MACROD2: variants seen among roughly 807,000 people sequenced by gnomAD.
MACROD2 encodes the protein mono-ADP ribosylhydrolase 2, also known as ADP-ribose glycohydrolase MACROD2.
MACROD2 carries 36 observed loss-of-function variants against 70.4 expected under a neutral mutation model. The observed-to-expected ratio is 0.51, with a 90% CI of 0.39 to 0.68. The LOEUF is 0.68. Among genes scored for constraint, MACROD2 ranks in the 30% least tolerant of loss-of-function variants. MACROD2 has a pLI of 0.00. For missense variants in MACROD2, 496 were observed against 538.4 expected, an observed-to-expected ratio of 0.92 and a Z score of 0.78; for synonymous variants, 172 against 178.8, an observed-to-expected ratio of 0.96 and a Z score of 0.30.
chr20:14,024,015 A>T (rs1414685796), intron 2 of MACROD2, among the ~76,000 whole-genome samples: 1 of 152,140 alleles, frequency 6.6e-6, no homozygotes. Context: ...CACGATACTG[A>T]TTCTTCCTAT....
At chr20:14,498,728 A>G (rs1288842212) in intron 4 of MACROD2, among the ~76,000 whole-genome samples, 1 of 152,196 alleles carries the variant, frequency 6.6e-6, no homozygotes, top group Admixed American at 6.5e-5. Flanking sequence ...GTGAAGAGCA[A>G]TGTGTTTAAA....
intron 8 of MACROD2, among the ~76,000 whole-genome samples, chr20:15,532,348 G>A (rs1409026656): frequency 6.6e-6 from 1 of 152,076 alleles, no homozygotes; most frequent in Admixed American, 6.5e-5. Flanking sequence ...AGCAGAATGT[G>A]ATATGTTAGA....
At chr20:14,122,538 T>C (rs973183047) in intron 3 of MACROD2, among the ~76,000 whole-genome samples, 9 of 152,184 alleles carry the variant, frequency 5.9e-5, no homozygotes, top group African/African-American at 2.2e-4. Context: ...AATTATTTCA[T>C]TGAGGGAGGT....
chr20:14,013,672 A>AG (rs2052945929), intron 2 of MACROD2, among the ~76,000 whole-genome samples: 1 of 128,252 alleles, frequency 7.8e-6, no homozygotes, highest in Non-Finnish European at 1.6e-5. Context: ...CCTTATATTA[A>AG]GCTTTTTTTT....
At chr20:15,173,729 C>T (rs2076439521) in intron 5 of MACROD2, among the ~76,000 whole-genome samples, 2 of 152,100 alleles carry the variant, frequency 1.3e-5, no homozygotes, top group African/African-American at 4.8e-5. Flanking sequence ...CAGATTCAGT[C>T]ATGCAGAACC....
At chr20:15,424,159 A>C (rs1418733610) in intron 6 of MACROD2, among the ~76,000 whole-genome samples, 1 of 152,204 alleles carries the variant, frequency 6.6e-6, no homozygotes, top group Non-Finnish European at 1.5e-5. Flanking sequence ...CACCACGTGA[A>C]TCTTGTGGGG....
rs2077814945 is a variant in MACROD2, at chr20:15,316,705, G to A, written c.540+86644G>A. Among the ~76,000 whole-genome samples, 5 of 152,158 alleles carry A rather than the reference G, an allele frequency of 3.3e-5. No homozygotes were observed. In the South Asian group the frequency reaches 1.0e-3, roughly 32 times the overall value. Reference sequence around the variant, plus strand: ...CCATACACCAACTAGACCTGACAGAGATTTTGAACACTCCATTCCACAACA... The same window carrying A: ...CCATACACCAACTAGACCTGACAGAAATTTTGAACACTCCATTCCACAACA... On this transcript the variant is annotated intron_variant, in intron 6 of 17. Coordinates refer to ENST00000684519, the MANE Select transcript of MACROD2 (RefSeq NM_001351661.2).
At chr20:14,681,874 G>A (rs2070936582) in intron 4 of MACROD2, among the ~76,000 whole-genome samples, 1 of 152,142 alleles carries the variant, frequency 6.6e-6, no homozygotes, top group Admixed American at 6.6e-5. Flanking sequence ...AGATAAATCT[G>A]GGGTTTTGAA....
At chr20:15,715,181 T>TGA (rs1409803347) in intron 8 of MACROD2, among the ~76,000 whole-genome samples, 10 of 152,144 alleles carry the variant, frequency 6.6e-5, no homozygotes, top group African/African-American at 1.9e-4. Context: ...TTTATAATGA[T>TGA]GAGAAAACCA....
At chr20:15,912,450 C>A (rs113579216) in intron 10 of MACROD2, among the ~76,000 whole-genome samples, 3,382 of 152,128 alleles carry the variant, frequency 0.022, 53 homozygotes, top group Non-Finnish European at 0.037. Flanking sequence ...AAAATAGATA[C>A]CTGAAGTAAT....
intron 6 of MACROD2, among the ~76,000 whole-genome samples, chr20:15,244,012 T>A (rs2077083898): frequency 6.6e-6 from 1 of 152,188 alleles, no homozygotes; most frequent in Admixed American, 6.5e-5. Flanking sequence ...ACTCACAATT[T>A]AATAAGTTAT....
intron 6 of MACROD2, among the ~76,000 whole-genome samples, chr20:15,394,944 G>C (rs1048199016): frequency 5.9e-5 from 9 of 152,200 alleles, no homozygotes; most frequent in Non-Finnish European, 1.3e-4. Context: ...GGCTCAAGTA[G>C]AGTAGACTTT....
intron 3 of MACROD2, among the ~76,000 whole-genome samples, chr20:14,178,418 GA>G (rs1464042869): frequency 1.3e-5 from 2 of 152,070 alleles, no homozygotes; most frequent in African/African-American, 4.8e-5. Context: ...ATTCTGTTAT[GA>G]AAAAATAGCA....
At chr20:15,396,733 A>G (rs573803597) in intron 6 of MACROD2, among the ~76,000 whole-genome samples, 1 of 152,302 alleles carries the variant, frequency 6.6e-6, no homozygotes, top group South Asian at 2.1e-4. Context: ...GGGAACATGA[A>G]TTGATTAGAA....
At chr20:14,039,978 T>C (rs1308123006) in intron 2 of MACROD2, among the ~76,000 whole-genome samples, 1 of 152,158 alleles carries the variant, frequency 6.6e-6, no homozygotes, top group Non-Finnish European at 1.5e-5. Flanking sequence ...AGTATCCAGA[T>C]GGAAATTGTG....
rs1455188072 is a variant in MACROD2 at position 15,499,814 on chromosome 20, C to T, written c.612C>T (p.Thr204=). The stretch of plus-strand genomic sequence containing the variant: ...CTGCTGCAGTCATTGCCCTCAACAC[C>T]ATTAAGGAATGGCTTGCCAAGAATC... ...NEPAAVIALN[T]IKEWLAKNHH... Residue 204 remains threonine, a synonymous_variant, in exon 8 of 18, where the codon ACC becomes ACT. Transcript: ENST00000684519. 1.2e-6 allele frequency: 2 copies of T among 1,613,718 alleles called. No homozygotes were observed. Among genetic ancestry groups the T allele is most frequent in the African/African-American group, 2.7e-5 (2 of 74,914 alleles).
chr20:15,710,662 T>C (rs2050613198), intron 8 of MACROD2, among the ~76,000 whole-genome samples: 1 of 152,236 alleles, frequency 6.6e-6, no homozygotes, highest in Admixed American at 6.5e-5. Context: ...TTTTCTTTTA[T>C]TATGTTGTTT....
At chr20:15,478,149 G>T (rs900611454) in intron 7 of MACROD2, among the ~76,000 whole-genome samples, 1 of 152,094 alleles carries the variant, frequency 6.6e-6, no homozygotes, top group Admixed American at 6.5e-5. Flanking sequence ...GTTTATAGGG[G>T]GGTTGTTACA....
intron 5 of MACROD2, among the ~76,000 whole-genome samples, chr20:14,874,730 A>C (rs1019836785): frequency 1.3e-5 from 2 of 151,354 alleles, no homozygotes; most frequent in East Asian, 3.9e-4. Flanking sequence ...TTTGAGACAG[A>C]GTCTCACTCT....
Sources: allele counts gnomAD v4.1 joint callset (sites outside exome capture counted in the v4.1 genomes callset), GRCh38; gene constraint gnomAD v4.1.1; transcripts MANE v1.5; gene names NCBI Gene and HGNC (gene_info 2026-07-23, HGNC 2026-07-21).